Variants in PLSCR2 observed in about 807,000 individuals in gnomAD.
PLSCR2 encodes the protein phospholipid scramblase 2, also known as PL scramblase 2.
Under a neutral mutation model 25.3 loss-of-function variants are expected in PLSCR2, and 18 were observed. That is an observed-to-expected ratio of 0.71 (90% CI 0.49 to 1.06). The LOEUF (loss-of-function observed/expected upper bound fraction) is 1.06. Ranked by LOEUF, PLSCR2 falls within the 50% of genes least tolerant of loss-of-function variation. PLSCR2 has a pLI of 0.00. For missense variants in PLSCR2, 243 were observed against 269.5 expected, an observed-to-expected ratio of 0.90 and a Z score of 0.69; for synonymous variants, 88 against 87.3, an observed-to-expected ratio of 1.01 and a Z score of -0.04.
chr3:146,459,323 C>T (rs980823385), intron 2 of PLSCR2, among the ~76,000 whole-genome samples: 4 of 152,168 alleles, frequency 2.6e-5, no homozygotes, highest in African/African-American at 9.7e-5. Context: ...CTAAACTTTA[C>T]ATGTCTTTTA....
At chr3:146,470,481 G>C (rs1305904730) in intron 1 of PLSCR2, among the ~76,000 whole-genome samples, 1 of 152,166 alleles carries the variant, frequency 6.6e-6, no homozygotes, top group African/African-American at 2.4e-5. Context: ...CCGGAAGGCA[G>C]AGGTTGCAGT....
At chr3:146,396,608 G>A (rs546276860) in intron 2 of PLSCR2, among the ~76,000 whole-genome samples, 86 of 152,212 alleles carry the variant, frequency 5.7e-4, no homozygotes, top group African/African-American at 2.0e-3. Context: ...GAAGGAATTA[G>A]TGACAAGAGA....
chr3:146,467,937 C>T (rs7614407), intron 1 of PLSCR2, among the ~76,000 whole-genome samples: 13,245 of 152,040 alleles, frequency 0.087, 769 homozygotes, highest in African/African-American at 0.16. Context: ...TGGACAGACC[C>T]TTAGAGATGA....
chr3:146,448,453 A>C (rs556081475), intron 6 of PLSCR2, among the ~76,000 whole-genome samples: 3 of 152,236 alleles, frequency 2.0e-5, no homozygotes, highest in Non-Finnish European at 4.4e-5. Context: ...AGCTTTAAAC[A>C]GCTTGAAGTC....
chr3:146,464,915 G>A (rs2041793718), upstream of PLSCR2, among the ~76,000 whole-genome samples: 2 of 152,170 alleles, frequency 1.3e-5, no homozygotes, highest in Non-Finnish European at 2.9e-5. Flanking sequence ...ATTAACAGCT[G>A]TATAGGAGGA....
intron 2 of PLSCR2, among the ~76,000 whole-genome samples, chr3:146,406,060 T>A (rs1477216699): frequency 3.3e-5 from 5 of 152,190 alleles, no homozygotes; most frequent in Admixed American, 6.5e-5. Context: ...ATCTCTATGA[T>A]ATGCTATAAT....
intron 1 of PLSCR2, among the ~76,000 whole-genome samples, chr3:146,481,778 C>T (rs2043139571): frequency 6.6e-6 from 1 of 152,184 alleles, no homozygotes; most frequent in Non-Finnish European, 1.5e-5. Flanking sequence ...TGAAGACAAT[C>T]CTAAGCAAAA....
At chr3:146,495,673 C>T (rs904822225) in intron 1 of PLSCR2, among the ~76,000 whole-genome samples, 24 of 152,318 alleles carry the variant, frequency 1.6e-4, no homozygotes, top group South Asian at 4.1e-4. Flanking sequence ...GGCTTCCCAG[C>T]CTCTGGAAGT....
chr3:146,426,203 T>TTCCTTCCCTCCC (rs368334941), intron 2 of PLSCR2, among the ~76,000 whole-genome samples: 5,938 of 127,396 alleles, frequency 0.047, 279 homozygotes, highest in African/African-American at 0.08. Context: ...CCTTCCCTCC[T>TTCCTTCCCTCCC]TCCTTCCCTC....
At chr3:146,438,189 T>C (rs2108202799), downstream of PLSCR2, among the ~76,000 whole-genome samples, 1 of 152,314 alleles carries the variant, frequency 6.6e-6, no homozygotes, top group South Asian at 2.1e-4. Context: ...GTGCTTTACT[T>C]CCAACTATGT....
At chr3:146,416,845 A>C (rs1307120319) in intron 2 of PLSCR2, among the ~76,000 whole-genome samples, 1 of 152,242 alleles carries the variant, frequency 6.6e-6, no homozygotes, top group Non-Finnish European at 1.5e-5. Flanking sequence ...TACAAGTACT[A>C]GTTAATACAG....
At chr3:146,486,542 C>T (rs1040742157) in intron 1 of PLSCR2, among the ~76,000 whole-genome samples, 1 of 151,900 alleles carries the variant, frequency 6.6e-6, no homozygotes, top group African/African-American at 2.4e-5. Flanking sequence ...TTATAAACAC[C>T]TCTATACAAA....
intron 2 of PLSCR2, among the ~76,000 whole-genome samples, chr3:146,407,945 C>G (rs892252091): frequency 1.2e-3 from 180 of 152,200 alleles, no homozygotes; most frequent in Non-Finnish European, 2.9e-4. Context: ...TCTAACAGTT[C>G]TTGACAGTCA....
At chr3:146,426,091 C>A (rs2108098025) in intron 2 of PLSCR2, among the ~76,000 whole-genome samples, 1 of 152,214 alleles carries the variant, frequency 6.6e-6, no homozygotes, top group East Asian at 1.9e-4. Context: ...ATCATTTCTT[C>A]TACTTCTAAT....
chr3:146,458,795 G>T (rs139162270), intron 2 of PLSCR2, among the ~76,000 whole-genome samples: 155 of 151,980 alleles, frequency 1.0e-3, no homozygotes, highest in African/African-American at 3.5e-3. Context: ...TTTACTGTAA[G>T]TCTCAGTTAT....
intron 5 of PLSCR2, among the ~76,000 whole-genome samples, chr3:146,451,414 A>AT (rs2040889929): frequency 6.6e-6 from 1 of 152,058 alleles, no homozygotes; most frequent in Admixed American, 6.6e-5. Flanking sequence ...CCCGGCCTAC[A>AT]TTAAGTTTTT....
intron 1 of PLSCR2, among the ~76,000 whole-genome samples, chr3:146,466,389 T>G (rs1241177061): frequency 2.0e-5 from 3 of 152,192 alleles, no homozygotes; most frequent in Non-Finnish European, 4.4e-5. Context: ...CAGGCTGGTG[T>G]CAAACTCCTA....
At chr3:146,474,522 C>T (rs1463258862) in intron 1 of PLSCR2, among the ~76,000 whole-genome samples, 2 of 152,104 alleles carry the variant, frequency 1.3e-5, no homozygotes, top group Non-Finnish European at 2.9e-5. Context: ...TGATGGGCTT[C>T]CCGTTGCAGG....
intron 1 of PLSCR2, among the ~76,000 whole-genome samples, chr3:146,482,123 C>T (rs568745011): frequency 6.6e-6 from 1 of 152,168 alleles, no homozygotes; most frequent in Admixed American, 6.5e-5. Context: ...CATAAAAACC[C>T]TAGGAGAAAA....
Sources: gnomAD v4.1 joint callset for allele counts (sites outside exome capture counted in the v4.1 genomes callset) on GRCh38, gnomAD v4.1.1 for gene constraint, MANE v1.5 for transcripts, NCBI Gene and HGNC (gene_info 2026-07-23, HGNC 2026-07-21) for gene names.